Variants in PIGN observed in about 807,000 individuals in gnomAD.
PIGN encodes the protein phosphatidylinositol glycan anchor biosynthesis class N, also known as GPI ethanolamine phosphate transferase 1.
Under a neutral mutation model 125.4 loss-of-function variants are expected in PIGN, and 117 were observed. That is an observed-to-expected ratio of 0.93 (90% CI 0.80 to 1.09). The LOEUF (loss-of-function observed/expected upper bound fraction) is 1.09, where lower values mean the gene tolerates loss of function less well. PIGN is among the 50% of genes least tolerant of loss of function. The pLI is 0.00. For missense variants in PIGN, 1,075 were observed against 1,094.9 expected, an observed-to-expected ratio of 0.98 and a Z score of 0.26; for synonymous variants, 392 against 377.8, an observed-to-expected ratio of 1.04 and a Z score of -0.44.
intron 30 of PIGN, among the ~76,000 whole-genome samples, chr18:62,067,826 C>G (rs986048439): frequency 7.2e-5 from 11 of 152,186 alleles, no homozygotes; most frequent in African/African-American, 2.7e-4. Flanking sequence ...TTTGCCTTCT[C>G]TTGGGTACCT....
chr18:62,125,800 T>C (rs2146887311), intron 14 of PIGN, among the ~76,000 whole-genome samples: 1 of 152,246 alleles, frequency 6.6e-6, no homozygotes, highest in South Asian at 2.1e-4. Flanking sequence ...TTTTAAGTCT[T>C]GCTTTAAAAT....
At chr18:62,113,068 A>C in intron 16 of PIGN, 66 bp downstream of exon 16, 1 of 1,223,224 alleles carries the variant, frequency 8.2e-7, no homozygotes, top group Non-Finnish European at 1.2e-6. Context: ...CTATAAACTC[A>C]TTACACTGGA....
At chr18:62,179,486 G>A (rs1477102858) in intron 1 of PIGN, among the ~76,000 whole-genome samples, 3 of 152,162 alleles carry the variant, frequency 2.0e-5, no homozygotes, top group Admixed American at 1.3e-4. Context: ...GCTCACACCT[G>A]TAATCCTAGC....
rs2036306873 is a variant in PIGN, at chr18:62,145,838, T to C, written c.922+71A>G. On this transcript the variant is annotated intron_variant, in intron 10 of 30. Coordinates refer to ENST00000640252, the MANE Select transcript of PIGN (RefSeq NM_176787.5). ...TTACAACTAAAATTTGAAGAGTGATTTCTTAAAAATTTAAACTTTGTTCTT... is the reference window on the plus strand; with the variant it reads ...TTACAACTAAAATTTGAAGAGTGATCTCTTAAAAATTTAAACTTTGTTCTT... 3 of 760,684 alleles carry C rather than the reference T, an allele frequency of 3.9e-6. No homozygotes were observed. The Admixed American group carries it at 7.2e-5, about 18-fold the overall frequency. 47.1% of individuals were successfully genotyped at this position (760,684 alleles called of 1,614,324 possible). A position where few individuals can be genotyped will look rare whatever the true frequency, so the allele number is the denominator to read the frequency against.
chr18:62,118,027 T>C (rs554483432), intron 14 of PIGN, among the ~76,000 whole-genome samples: 1 of 152,158 alleles, frequency 6.6e-6, no homozygotes, highest in Admixed American at 6.6e-5. Context: ...CTGCAAGTAG[T>C]ACTGCAATAA....
chr18:62,041,645 GTGT>G lies in PIGN; in HGVS notation c.*4208_*4210del, dbSNP rs1568107092. On this transcript the variant is annotated 3_prime_UTR_variant, in exon 31 of 31. Transcript: ENST00000640252. Reference sequence around the variant, plus strand: ...AGGAGCCTACCACCCCGCCGGGTGTGTGTGTGTGTGTGTGTGTGTGTGTGTGTG... The same window carrying G: ...AGGAGCCTACCACCCCGCCGGGTGTGGTGTGTGTGTGTGTGTGTGTGTGTG... 8.0e-5 allele frequency: 6 copies of G among 75,004 alleles called. No homozygotes were observed. Among genetic ancestry groups the G allele is most frequent in the Admixed American group, 2.7e-4 (2 of 7,396 alleles). The allele number at this position is 75,004 out of a possible 1,614,324, so 4.6% of individuals were successfully genotyped here.
chr18:62,105,711 C>T, intron 19 of PIGN, 77 bp from the exon 20 acceptor site: 1 of 751,928 alleles, frequency 1.3e-6, no homozygotes, highest in Non-Finnish European at 2.1e-6. Context: ...GACTATATGA[C>T]TGTGAAGGTA....
intron 4 of PIGN, 81 bp downstream of exon 4, chr18:62,161,052 A>C: frequency 1.1e-6 from 1 of 881,706 alleles, no homozygotes. Context: ...CCAGTGCATG[A>C]TAAATAGTAA....
At chr18:62,035,308 G>A (rs17633651) in intron 23 of PIGN, among the ~76,000 whole-genome samples, 1 of 151,984 alleles carries the variant, frequency 6.6e-6, no homozygotes, top group Non-Finnish European at 1.5e-5. Flanking sequence ...CCAAAGAAAA[G>A]CAATGGCAAA....
chr18:62,117,511 G>C (rs2035131424), intron 14 of PIGN, among the ~76,000 whole-genome samples: 1 of 151,564 alleles, frequency 6.6e-6, no homozygotes, highest in Admixed American at 6.6e-5. Context: ...TTTAAAATAG[G>C]GATTGAAGTG....
At chr18:62,156,444 C>T (rs2036736865) in intron 6 of PIGN, among the ~76,000 whole-genome samples, 1 of 152,114 alleles carries the variant, frequency 6.6e-6, no homozygotes, top group Non-Finnish European at 1.5e-5. Flanking sequence ...ACTCTTCCCA[C>T]CTCAGCCACC....
chr18:62,114,702 T>C, intron 14 of PIGN, 63 bp from the exon 15 acceptor site: 1 of 708,612 alleles, frequency 1.4e-6, no homozygotes, highest in South Asian at 2.8e-5. Context: ...GTTTCTTTTT[T>C]CCCCTTAATT....
intron 14 of PIGN, among the ~76,000 whole-genome samples, chr18:62,129,764 G>T (rs2035666176): frequency 6.6e-6 from 1 of 152,180 alleles, no homozygotes; most frequent in African/African-American, 2.4e-5. Flanking sequence ...ATGAAGCATT[G>T]TAAGATAATT....
intron 10 of PIGN, among the ~76,000 whole-genome samples, chr18:62,145,636 A>G (rs982762117): frequency 2.6e-5 from 4 of 152,236 alleles, no homozygotes; most frequent in Admixed American, 6.5e-5. Context: ...AAATTAATAA[A>G]TTAATAAAAG....
intron 10 of PIGN, among the ~76,000 whole-genome samples, chr18:62,145,041 C>T (rs1443288680): frequency 6.6e-6 from 1 of 151,632 alleles, no homozygotes; most frequent in Non-Finnish European, 1.5e-5. Context: ...GAAAGGAGCC[C>T]AGTCCTACCT....
intron 25 of PIGN, among the ~76,000 whole-genome samples, chr18:62,087,369 T>C (rs1005646300): frequency 1.3e-5 from 2 of 152,328 alleles, no homozygotes; most frequent in South Asian, 4.1e-4. Context: ...AGGAAGCCCC[T>C]GCAGACCACT....
intron 1 of PIGN, among the ~76,000 whole-genome samples, chr18:62,182,384 C>G (rs1426192053): frequency 6.6e-6 from 1 of 152,208 alleles, no homozygotes; most frequent in Non-Finnish European, 1.5e-5. Flanking sequence ...TTGTCTACTA[C>G]CTACTAAATC....
At chr18:62,031,908 A>G (rs1435206045) in intron 23 of PIGN, among the ~76,000 whole-genome samples, 2 of 152,102 alleles carry the variant, frequency 1.3e-5, no homozygotes, top group Non-Finnish European at 2.9e-5. Context: ...CCAAAGTCCT[A>G]TATCCAGGTA....
chr18:62,121,159 T>G (rs914657375), intron 14 of PIGN, among the ~76,000 whole-genome samples: 2 of 152,144 alleles, frequency 1.3e-5, no homozygotes, highest in Non-Finnish European at 2.9e-5. Flanking sequence ...ACTAAGGTAA[T>G]GCTGAGAGAT....
Sources: gnomAD v4.1 joint callset for allele counts (sites outside exome capture counted in the v4.1 genomes callset) on GRCh38, gnomAD v4.1.1 for gene constraint, MANE v1.5 for transcripts, NCBI Gene and HGNC (gene_info 2026-07-23, HGNC 2026-07-21) for gene names.